The following HMCN1 variants were observed in gnomAD, a reference collection of about 807,000 sequenced individuals.
HMCN1 encodes the protein hemicentin 1.
Under a neutral mutation model 625.9 loss-of-function variants are expected in HMCN1, and 321 were observed. That is an observed-to-expected ratio of 0.51 (90% CI 0.47 to 0.56). HMCN1 has a LOEUF of 0.56. HMCN1 is among the 20% of genes least tolerant of loss of function. The pLI is 0.00. For synonymous variants in HMCN1, 2,425 were observed against 2,417.6 expected (o/e 1.00, Z -0.09); for missense variants, 6,588 against 6,887.3 (o/e 0.96, Z 1.54).
At chr1:186,003,685 A>G (rs1178524191) in intron 28 of HMCN1, 33 bp from the exon 29 acceptor site, 2 of 1,611,300 alleles carry the variant, frequency 1.2e-6, no homozygotes. Context: ...TTGCTGAGTA[A>G]CAGAGTTTCA....
chr1:185,744,604 A>G (rs1214137774), intron 1 of HMCN1, among the ~76,000 whole-genome samples: 1 of 152,202 alleles, frequency 6.6e-6, no homozygotes, highest in Non-Finnish European at 1.5e-5. Context: ...GGGCAAGATA[A>G]ATTACAATAT....
chr1:185,996,262 G>T (rs1571685993), intron 24 of HMCN1, among the ~76,000 whole-genome samples: 1 of 152,112 alleles, frequency 6.6e-6, no homozygotes, highest in Admixed American at 6.6e-5. Flanking sequence ...AGGTAGAAGT[G>T]AGGGGCAGCC....
At chr1:186,068,073 C>G in intron 50 of HMCN1, 66 bp downstream of exon 50, 2 of 1,389,004 alleles carry the variant, frequency 1.4e-6, no homozygotes, top group Non-Finnish European at 2.0e-6. Context: ...AAAGCAGAAT[C>G]ATTGGTTACT....
chr1:185,972,675 G>T (rs746939393), intron 15 of HMCN1, among the ~76,000 whole-genome samples: 3 of 152,060 alleles, frequency 2.0e-5, no homozygotes, highest in Non-Finnish European at 4.4e-5. Context: ...TTTCTGTTAT[G>T]CATTAACTAT....
At position 186,189,750 on chromosome 1, in the gene HMCN1, AC is replaced by A; in HGVS notation, c.16781del (p.Thr5594AsnfsTer12). On this transcript the variant is annotated frameshift_variant, in exon 107 of 107. Transcript: ENST00000271588. LOFTEE classifies it high-confidence loss of function. ...AAACCTGAAAGGAGTGGTGTATACAACACGACCACTACGAGAAGCAGAGACC... is the reference window on the plus strand; with the variant it reads ...AAACCTGAAAGGAGTGGTGTATACAAACGACCACTACGAGAAGCAGAGACC... ...DENLKGVVYT[T>X]RPLREAETYR... 1 of 1,613,752 alleles carries A rather than the reference AC, an allele frequency of 6.2e-7. No homozygotes were observed. The highest frequency in any genetic ancestry group is 8.5e-7 in the Non-Finnish European group (1 of 1,179,822).
At chr1:186,077,946 G>C (rs191663816) in intron 54 of HMCN1, among the ~76,000 whole-genome samples, 161 bp from the exon 55 acceptor site, 28 of 152,278 alleles carry the variant, frequency 1.8e-4, no homozygotes, top group East Asian at 5.8e-4. Flanking sequence ...TGCAGTGTTT[G>C]TTGTAAAAGT....
chr1:185,926,352 C>T (rs1244980956), intron 9 of HMCN1, among the ~76,000 whole-genome samples: 1 of 152,078 alleles, frequency 6.6e-6, no homozygotes, highest in Non-Finnish European at 1.5e-5. Flanking sequence ...AAAGATTAAA[C>T]TGTATTATTT....
chr1:186,152,610 C>A lies in HMCN1; in HGVS notation c.14897-140C>A, dbSNP rs142661861. The A allele has an allele frequency of 9.9e-4, 939 of 949,528 alleles. 4 individuals are homozygous for A. Among genetic ancestry groups the A allele is most frequent in the East Asian group, 3.6e-3 (147 of 40,406 alleles). 58.8% of individuals were successfully genotyped at this position (949,528 alleles called of 1,614,324 possible). On this transcript the variant is annotated intron_variant, in intron 95 of 106. Transcript: ENST00000271588. ...AACTCTTTAATTGGGAGGTTAAGTG[C>A]TATTTCAGTTCTCATCATCTATACT...
At chr1:186,157,047 A>G (rs1401921948) in intron 97 of HMCN1, among the ~76,000 whole-genome samples, 2 of 152,216 alleles carry the variant, frequency 1.3e-5, no homozygotes, top group Admixed American at 6.5e-5. Flanking sequence ...CAATTCTAGT[A>G]GAAATGGGAC....
At chr1:185,811,965 T>C (rs1427589364) in intron 1 of HMCN1, among the ~76,000 whole-genome samples, 1 of 152,226 alleles carries the variant, frequency 6.6e-6, no homozygotes, top group Non-Finnish European at 1.5e-5. Flanking sequence ...TATAGAAAAC[T>C]GGAGACAGAC....
rs143169364 is a variant in HMCN1, at chr1:186,107,875, C to T, written c.10853-586C>T. On this transcript the variant is annotated intron_variant, in intron 70 of 106. Coordinates refer to ENST00000271588, the MANE Select transcript of HMCN1 (RefSeq NM_031935.3). ...TTAGACTCGTCCAATATGCTTTTGACATTGAAATAGGAATTATTCTTTATG... is the reference window on the plus strand; with the variant it reads ...TTAGACTCGTCCAATATGCTTTTGATATTGAAATAGGAATTATTCTTTATG... 3.6e-4 allele frequency among the ~76,000 whole-genome samples: 55 copies of T among 152,046 alleles called. 1 individual carries two copies. In the East Asian group the frequency reaches 0.01, roughly 29 times the overall value.
At chr1:186,019,328 G>C (rs985749807) in intron 34 of HMCN1, among the ~76,000 whole-genome samples, 2 of 151,854 alleles carry the variant, frequency 1.3e-5, no homozygotes, top group Non-Finnish European at 2.9e-5. Flanking sequence ...TTATTCTTTG[G>C]AGATTTAAAA....
intron 62 of HMCN1, 77 bp from the exon 63 acceptor site, chr1:186,088,529 C>T (rs1659659377): frequency 1.3e-6 from 2 of 1,515,612 alleles, no homozygotes; most frequent in Admixed American, 1.8e-5. Flanking sequence ...TAAAGTAAGA[C>T]ATTTTATCAT....
intron 1 of HMCN1, among the ~76,000 whole-genome samples, chr1:185,842,445 G>A (rs80109796): frequency 0.011 from 1,739 of 152,030 alleles, 34 homozygotes; most frequent in African/African-American, 0.04. Context: ...TACCTGTGGT[G>A]GCAGCTACTT....
chr1:185,775,909 A>T (rs1000121807), intron 1 of HMCN1, among the ~76,000 whole-genome samples: 1 of 152,268 alleles, frequency 6.6e-6, no homozygotes, highest in South Asian at 2.1e-4. Context: ...GTGATACTCA[A>T]CCTCTGCTGT....
intron 35 of HMCN1, among the ~76,000 whole-genome samples, 173 bp from the exon 36 acceptor site, chr1:186,022,857 T>C (rs1448641709): frequency 6.6e-6 from 1 of 152,186 alleles, no homozygotes; most frequent in African/African-American, 2.4e-5. Context: ...ACTAGTCTAT[T>C]GTCTTGTGCA....
intron 36 of HMCN1, among the ~76,000 whole-genome samples, chr1:186,027,816 T>A (rs1175307525): frequency 6.6e-6 from 1 of 152,178 alleles, no homozygotes; most frequent in African/African-American, 2.4e-5. Flanking sequence ...GGTAAAAACA[T>A]TAGTAGAGCA....
At chr1:186,181,264 C>T (rs1290501628) in intron 104 of HMCN1, among the ~76,000 whole-genome samples, 1 of 152,080 alleles carries the variant, frequency 6.6e-6, no homozygotes, top group Non-Finnish European at 1.5e-5. Context: ...AGACTATGAG[C>T]AAATTTTAAT....
At chr1:186,157,093 G>T (rs867650243) in intron 97 of HMCN1, among the ~76,000 whole-genome samples, 2 of 152,266 alleles carry the variant, frequency 1.3e-5, no homozygotes, top group South Asian at 2.1e-4. Context: ...ATTTTCAAAT[G>T]ATTTTTATAA....
Sources: allele counts gnomAD v4.1 joint callset (sites outside exome capture counted in the v4.1 genomes callset), GRCh38; gene constraint gnomAD v4.1.1; transcripts MANE v1.5; gene names NCBI Gene and HGNC (gene_info 2026-07-23, HGNC 2026-07-21).